PRPSAP2: variants seen among roughly 807,000 people sequenced by gnomAD.
PRPSAP2 encodes phosphoribosyl pyrophosphate synthetase associated protein 2.
In PRPSAP2, 24 loss-of-function variants were observed where a neutral mutation model predicts 40.6. The observed-to-expected ratio is 0.59, with a 90% CI of 0.43 to 0.83. The LOEUF (loss-of-function observed/expected upper bound fraction) is 0.83, where lower values mean the gene tolerates loss of function less well. Ranked by LOEUF, PRPSAP2 falls within the 40% of genes least tolerant of loss-of-function variation. The pLI is 0.00. For synonymous variants in PRPSAP2, 149 were observed against 164.7 expected (o/e 0.90, Z 0.73); for missense variants, 292 against 465.6 (o/e 0.63, Z 3.43).
chr17:18,929,394 G>A (rs1290359774), intron 11 of PRPSAP2, among the ~76,000 whole-genome samples: 1 of 123,360 alleles, frequency 8.1e-6, no homozygotes, highest in Non-Finnish European at 1.8e-5. Flanking sequence ...ATAATAATGT[G>A]TACAACTCAT....
At chr17:18,893,241 C>T (rs796482806) in intron 8 of PRPSAP2, among the ~76,000 whole-genome samples, 8 of 150,356 alleles carry the variant, frequency 5.3e-5, no homozygotes, top group Non-Finnish European at 1.0e-4. Context: ...CTCTGCCTCC[C>T]GGGTACAAGC....
chr17:18,903,176 C>G (rs1193554078), intron 8 of PRPSAP2, among the ~76,000 whole-genome samples: 1 of 152,028 alleles, frequency 6.6e-6, no homozygotes, highest in East Asian at 1.9e-4. Context: ...CCCTGTAATC[C>G]CAGCACTTTG....
chr17:18,902,377 A>G (rs968116048), intron 8 of PRPSAP2, among the ~76,000 whole-genome samples: 1 of 152,124 alleles, frequency 6.6e-6, no homozygotes, highest in African/African-American at 2.4e-5. Flanking sequence ...GATGTTTTTT[A>G]TCTATGTTAT....
intron 8 of PRPSAP2, chr17:18,908,200 C>G (rs1221784323): frequency 1.5e-6 from 1 of 653,262 alleles, no homozygotes; most frequent in Non-Finnish European, 2.8e-6. Flanking sequence ...GAAGCTCCTG[C>G]AAGAGGCCAC....
chr17:18,885,453 A>C (rs2039071282), intron 7 of PRPSAP2, among the ~76,000 whole-genome samples: 1 of 150,206 alleles, frequency 6.7e-6, no homozygotes, highest in Non-Finnish European at 1.5e-5. Flanking sequence ...ACTCAGTGTT[A>C]AAAAGGAATT....
rs539743152 is a variant in PRPSAP2 at position 18,919,990 on chromosome 17, A to G, written c.734-3924A>G. Among the ~76,000 whole-genome samples, 23 of 152,238 alleles carry G rather than the reference A, an allele frequency of 1.5e-4. No homozygotes were observed. The South Asian group carries it at 4.2e-3, about 27-fold the overall frequency. On this transcript the variant is annotated intron_variant, in intron 9 of 11. Transcript: ENST00000268835. The stretch of plus-strand genomic sequence containing the variant: ...CTCAAAGCCTTTTGCTTGTGTGTGC[A>G]TTTCTCACAGCCTCACGTGCCCAGG...
chr17:18,909,671 A>G (rs2151951188), intron 8 of PRPSAP2, among the ~76,000 whole-genome samples: 1 of 151,854 alleles, frequency 6.6e-6, no homozygotes, highest in East Asian at 2.0e-4. Context: ...TTGGGAGGCC[A>G]CGGTGGGCAG....
At chr17:18,926,698 A>G (rs570912393) in intron 10 of PRPSAP2, among the ~76,000 whole-genome samples, 113 of 152,328 alleles carry the variant, frequency 7.4e-4, no homozygotes, top group Admixed American at 2.3e-3. Flanking sequence ...CTATAGTACA[A>G]TAACACAGAC....
intron 9 of PRPSAP2, 95 bp from the exon 10 acceptor site, chr17:18,923,819 G>A: frequency 1.8e-6 from 2 of 1,094,824 alleles, no homozygotes; most frequent in Non-Finnish European, 2.6e-6. Context: ...ATTCCTAGTT[G>A]GTTGAATGTT....
At chr17:18,886,670 C>G (rs1457008111) in intron 7 of PRPSAP2, among the ~76,000 whole-genome samples, 1 of 151,956 alleles carries the variant, frequency 6.6e-6, no homozygotes, top group Admixed American at 6.6e-5. Flanking sequence ...CTTTTGCCAT[C>G]TCTTCTGAGG....
Position 18,862,999 on chromosome 17 carries a change from T to G in PRPSAP2, c.-128-2470T>G, listed in dbSNP as rs946754380. Among the ~76,000 whole-genome samples the G allele has an allele frequency of 1.6e-4, 24 of 152,050 alleles. 1 individual carries two copies. The highest frequency in any genetic ancestry group is 6.5e-4 in the Admixed American group (10 of 15,272). The stretch of plus-strand genomic sequence containing the variant: ...CCACGCCCACCTAATTTTTTGTATT[T>G]TTAGTAGAGACGGGGCTTCACTGTG... On this transcript the variant is annotated intron_variant, in intron 1 of 11. Coordinates refer to ENST00000268835, the MANE Select transcript of PRPSAP2 (RefSeq NM_002767.4).
chr17:18,928,082 C>G (rs1201273157), intron 10 of PRPSAP2, among the ~76,000 whole-genome samples: 1 of 152,022 alleles, frequency 6.6e-6, no homozygotes, highest in Non-Finnish European at 1.5e-5. Context: ...CCACGCCTGG[C>G]CTTTATATGT....
intron 7 of PRPSAP2, among the ~76,000 whole-genome samples, chr17:18,882,920 A>G (rs2038866941): frequency 6.6e-6 from 1 of 152,162 alleles, no homozygotes; most frequent in African/African-American, 2.4e-5. Flanking sequence ...ATTGGACTAG[A>G]TATGATTGTA....
At chr17:18,891,264 G>A (rs1366876415) in intron 8 of PRPSAP2, among the ~76,000 whole-genome samples, 1 of 152,132 alleles carries the variant, frequency 6.6e-6, no homozygotes, top group Non-Finnish European at 1.5e-5. Context: ...ATAAGTCATT[G>A]ACGTTATGAA....
intron 4 of PRPSAP2, among the ~76,000 whole-genome samples, chr17:18,869,966 G>A (rs761864586): frequency 3.3e-5 from 5 of 151,666 alleles, no homozygotes; most frequent in Non-Finnish European, 7.4e-5. Context: ...TCCTGCCTCA[G>A]CCTCCCAAAT....
chr17:18,893,246 A>G (rs1313875077), intron 8 of PRPSAP2, among the ~76,000 whole-genome samples: 1 of 145,040 alleles, frequency 6.9e-6, no homozygotes, highest in Non-Finnish European at 1.5e-5. Flanking sequence ...CCTCCCGGGT[A>G]CAAGCGAGTC....
At chr17:18,879,197 T>A (rs916439743) in intron 6 of PRPSAP2, among the ~76,000 whole-genome samples, 2 of 152,184 alleles carry the variant, frequency 1.3e-5, no homozygotes, top group African/African-American at 2.4e-5. Flanking sequence ...AGAAGGTATG[T>A]ATCACGGAGC....
At chr17:18,904,354 A>G (rs2040452621) in intron 8 of PRPSAP2, 1 of 152,156 alleles carries the variant, frequency 6.6e-6, no homozygotes, top group African/African-American at 2.4e-5. Flanking sequence ...TCCTGGATTC[A>G]AGCGATTCTC....
rs753949491 is a variant in PRPSAP2 at position 18,911,127 on chromosome 17, G to A, written c.609G>A (p.Leu203=). ...GGGCACAGTCTTTTGCTGAGCGCCT[G>A]CGCCTGGGAATTGCAGTGATTCATG... ...AKRAQSFAER[L]RLGIAVIHGE... is the part of the protein sequence containing the mutation. The change falls in exon 9 of 12, where the codon CTG becomes CTA. Residue 203 remains leucine, a synonymous_variant. Coordinates refer to ENST00000268835, the MANE Select transcript of PRPSAP2 (RefSeq NM_002767.4). This position sits in a 1 kb window ranked among gnomAD's most constrained non-coding sequence, Gnocchi z 4.5. 2 of 1,612,804 alleles carry A rather than the reference G, an allele frequency of 1.2e-6. No individual in the cohort carries two copies. Among genetic ancestry groups the A allele is most frequent in the East Asian group, 2.2e-5 (1 of 44,870 alleles).
Sources: allele counts gnomAD v4.1 joint callset (sites outside exome capture counted in the v4.1 genomes callset), GRCh38; gene constraint gnomAD v4.1.1; non-coding constraint Gnocchi (gnomAD v3.1); transcripts MANE v1.5; gene names NCBI Gene and HGNC (gene_info 2026-07-23, HGNC 2026-07-21).